Variants in SLC6A12 observed in about 807,000 individuals in gnomAD.
The protein encoded by SLC6A12 is sodium- and chloride-dependent betaine transporter.
In SLC6A12, 50 loss-of-function variants were observed where a neutral mutation model predicts 73.3. The observed-to-expected ratio is 0.68, with a 90% CI of 0.54 to 0.86. SLC6A12 has a LOEUF of 0.86. Among genes scored for constraint, SLC6A12 ranks in the 40% least tolerant of loss-of-function variants. The pLI is 0.00. For missense variants in SLC6A12, 648 were observed against 772.8 expected (o/e 0.84, Z 1.92); for synonymous variants, 304 against 309.2 (o/e 0.98, Z 0.18).
intron 3 of SLC6A12, among the ~76,000 whole-genome samples, chr12:206,279 C>G (rs1164004421): frequency 6.6e-6 from 1 of 152,184 alleles, no homozygotes; most frequent in East Asian, 1.9e-4. Context: ...ATTCTACTTT[C>G]TGTTTCTATG....
rs1285901373 is a variant in SLC6A12, at chr12:213,797, C to T, written c.-143+125G>A. 3 of 152,668 alleles carry T rather than the reference C, an allele frequency of 2.0e-5. No homozygotes were observed. The highest frequency in any genetic ancestry group is 4.4e-5 in the Non-Finnish European group (3 of 68,422). 9.5% of individuals were successfully genotyped at this position (152,668 alleles called of 1,614,324 possible). A position where few individuals can be genotyped will look rare whatever the true frequency, so the allele number is the denominator to read the frequency against. On this transcript the variant is annotated intron_variant, in intron 1 of 15. Transcript: ENST00000684302. The surrounding 1 kb of genome is among the most constrained non-coding windows in gnomAD (Gnocchi z 5.3). ...CCTTTGGCCTGAGGTTATTGCAGGTCCTGCCCCCCGCTGCAGACACGCAGT... is the reference window on the plus strand; with the variant it reads ...CCTTTGGCCTGAGGTTATTGCAGGTTCTGCCCCCCGCTGCAGACACGCAGT...
Position 209,864 on chromosome 12 carries a change from G to C in SLC6A12, c.123C>G (p.Asn41Lys), listed in dbSNP as rs773998652. Residue 41 changes from asparagine (N) to lysine (K), a missense_variant, in exon 3 of 16, where the codon AAC becomes AAG. Asn to Lys is a moderately conservative substitution (Grantham distance 94, BLOSUM62 0). Transcript: ENST00000684302. ...CCACTGACAGCACAAACTCCATCTT[G>C]TTGGTCCATTGGCCCCGATCCTTCA... Reference protein sequence around the residue: ...DQVKDRGQWTNKMEFVLSVAG... With the variant: ...DQVKDRGQWTKKMEFVLSVAG... 2 of 1,614,176 alleles carry C rather than the reference G, an allele frequency of 1.2e-6. No individual in the cohort carries two copies. The highest frequency in any genetic ancestry group is 2.2e-5 in the South Asian group (2 of 91,078).
intron 2 of SLC6A12, chr12:210,640 C>T (rs1399322009): frequency 6.5e-6 from 1 of 152,954 alleles, no homozygotes; most frequent in African/African-American, 2.4e-5. Flanking sequence ...GCACCAGGGG[C>T]AAGTGTGAGC....
intron 6 of SLC6A12, chr12:201,538 T>G: frequency 1.9e-6 from 1 of 540,062 alleles, no homozygotes; most frequent in Admixed American, 3.1e-5. Flanking sequence ...GATGTGGGGC[T>G]GAAGGTGGAC....
rs113469546 is a variant in SLC6A12 at position 212,487 on chromosome 12, G to A, written c.-142-377C>T. Among the ~76,000 whole-genome samples the A allele has an allele frequency of 3.0e-3, 462 of 152,198 alleles. 4 individuals are homozygous for A. Among genetic ancestry groups the A allele is most frequent in the African/African-American group, 0.011 (445 of 41,502 alleles). On this transcript the variant is annotated intron_variant, in intron 1 of 15. Coordinates refer to ENST00000684302, the MANE Select transcript of SLC6A12 (RefSeq NM_001122848.3). ...GAAGTGCAAAAAGAGAACATGAGCT[G>A]GTGAACCGACACTGACGCAACATGA...
At chr12:207,449 T>G (rs778753056) in intron 3 of SLC6A12, among the ~76,000 whole-genome samples, 10 of 152,254 alleles carry the variant, frequency 6.6e-5, no homozygotes, top group Non-Finnish European at 1.3e-4. Context: ...GCTCCCCTCT[T>G]TTTCATAACC....
chr12:186,962 A>T (rs1382903928), downstream of SLC6A12, among the ~76,000 whole-genome samples: 1 of 152,108 alleles, frequency 6.6e-6, no homozygotes, highest in East Asian at 1.9e-4. Flanking sequence ...CGTCGCACCC[A>T]AGGGCTCCTG....
chr12:210,886 G>T (rs1353108487), intron 2 of SLC6A12, among the ~76,000 whole-genome samples: 2 of 152,148 alleles, frequency 1.3e-5, no homozygotes, highest in African/African-American at 4.8e-5. Flanking sequence ...AGAGCCCAAA[G>T]CTCCCTAGAC....
chr12:206,462 G>C (rs181044615), intron 3 of SLC6A12, among the ~76,000 whole-genome samples: 1 of 152,304 alleles, frequency 6.6e-6, no homozygotes, highest in African/African-American at 2.4e-5. Flanking sequence ...ACCACTTTCT[G>C]TTTATCTGTT....
chr12:199,790 A>G (rs981638638), intron 7 of SLC6A12: 4 of 152,050 alleles, frequency 2.6e-5, no homozygotes, highest in Admixed American at 6.6e-5. Context: ...TCTATGTGAC[A>G]AGCCCATTGT....
At position 196,223 on chromosome 12, in the gene SLC6A12, G is replaced by A; in HGVS notation, c.1227C>T (p.Asp409=). 6.2e-7 allele frequency: 1 copy of A among 1,603,204 alleles called. No homozygotes were observed. Among genetic ancestry groups the A allele is most frequent in the South Asian group, 1.1e-5 (1 of 88,220 alleles). The change falls in exon 12 of 16, where the codon GAC becomes GAT. Residue 409 remains aspartate, a synonymous_variant. Coordinates refer to ENST00000684302, the MANE Select transcript of SLC6A12 (RefSeq NM_001122848.3). ...TCTTCCGGAGCTGCCTGGGGAACAT[G>A]TCTATGGAGGCTGTCACCAGGCACT... ...CVECLVTASI[D]MFPRQLRKSG... is the part of the protein sequence containing the mutation.
Position 196,761 on chromosome 12 carries a change from G to A in SLC6A12, c.1188+9C>T, listed in dbSNP as rs201909205. The A allele has an allele frequency of 2.0e-4, 325 of 1,595,928 alleles. No individual in the cohort carries two copies. Among genetic ancestry groups the A allele is most frequent in the Non-Finnish European group, 2.7e-4 (309 of 1,164,056 alleles). ...CCACGGCAGGGCAGGCTGGGCTGCAGTGACGTACCTGGCTGTCCAGCCCTA... is the reference window on the plus strand; with the variant it reads ...CCACGGCAGGGCAGGCTGGGCTGCAATGACGTACCTGGCTGTCCAGCCCTA... On this transcript the variant is annotated intron_variant, in intron 11 of 15. Transcript: ENST00000684302.
chr12:185,920 C>T (rs1939422061), downstream of SLC6A12, among the ~76,000 whole-genome samples: 3 of 152,244 alleles, frequency 2.0e-5, no homozygotes, highest in Admixed American at 1.3e-4. Context: ...TAACAAGCTT[C>T]TCATCCCTGT....
At chr12:210,193 G>GT in intron 2 of SLC6A12, 150 bp from the exon 3 acceptor site, 1 of 1,213,928 alleles carries the variant, frequency 8.2e-7, no homozygotes. Context: ...TCTCGTAACT[G>GT]TAAGAGCAAA....
At chr12:189,029 G>A (rs1939496648), downstream of SLC6A12, among the ~76,000 whole-genome samples, 1 of 152,248 alleles carries the variant, frequency 6.6e-6, no homozygotes, top group South Asian at 2.1e-4. Context: ...ATGGCGAATT[G>A]GTGCAGGGCG....
chr12:209,628 A>G, intron 3 of SLC6A12, 145 bp downstream of exon 3: 1 of 770,392 alleles, frequency 1.3e-6, no homozygotes, highest in Non-Finnish European at 2.2e-6. Context: ...CTAGTAGTGG[A>G]GCTGGAACTC....
chr12:203,899 C>T (rs555818248), intron 4 of SLC6A12: 111 of 152,468 alleles, frequency 7.3e-4, no homozygotes, highest in African/African-American at 2.5e-3. Context: ...GGAGGGCAGC[C>T]CGGACCTCCC....
chr12:188,164 A>G (rs1939470179), downstream of SLC6A12, among the ~76,000 whole-genome samples: 1 of 152,146 alleles, frequency 6.6e-6, no homozygotes, highest in South Asian at 2.1e-4. Flanking sequence ...GCCCTGGAGC[A>G]GGGGGCGGCG....
chr12:203,059 C>CTTTTTTTTTTTTTTTTTTT (rs10582500), intron 4 of SLC6A12, among the ~76,000 whole-genome samples, 179 bp from the exon 5 acceptor site: 1 of 68,340 alleles, frequency 1.5e-5, no homozygotes, highest in Non-Finnish European at 2.6e-5. Context: ...TTTTTCTTTT[C>CTTTTTTTTTTTTTTTTTTT]TTTTTTTTTT....
Sources: gnomAD v4.1 joint callset for allele counts (sites outside exome capture counted in the v4.1 genomes callset) on GRCh38, gnomAD v4.1.1 for gene constraint, Gnocchi (gnomAD v3.1) non-coding constraint, MANE v1.5 for transcripts, NCBI Gene and HGNC (gene_info 2026-07-23, HGNC 2026-07-21) for gene names.